The following EYA1 variants were observed in gnomAD, a reference collection of about 807,000 sequenced individuals.
EYA1 encodes the protein EYA transcriptional coactivator and phosphatase 1.
EYA1 carries 16 observed loss-of-function variants against 82.0 expected under a neutral mutation model. That is an observed-to-expected ratio of 0.20 (90% CI 0.13 to 0.30). The LOEUF (loss-of-function observed/expected upper bound fraction) is 0.30. Among genes scored for constraint, EYA1 ranks in the 10% least tolerant of loss-of-function variants. EYA1 has a pLI of 1.00. For missense variants in EYA1, 633 were observed against 730.7 expected, an observed-to-expected ratio of 0.87 and a Z score of 1.54; for synonymous variants, 261 against 264.4, an observed-to-expected ratio of 0.99 and a Z score of 0.12.
intron 2 of EYA1, among the ~76,000 whole-genome samples, chr8:71,490,017 C>T (rs1810880514): frequency 6.6e-6 from 1 of 152,168 alleles, no homozygotes; most frequent in Admixed American, 6.5e-5. Context: ...ATCTCCAGGA[C>T]TGGATCCCAG....
Position 71,354,004 on chromosome 8 carries a change from T to C in EYA1, c.124+778A>G, listed in dbSNP as rs531616370. On this transcript the variant is annotated intron_variant, in intron 3 of 17. Transcript: ENST00000340726. ...GCAATATGTAACATATCTTTCCATA[T>C]GTTGAAGTTCTAAAAATATGCATAG... is the stretch of plus-strand genomic sequence containing the variant. 2.1e-3 allele frequency among the ~76,000 whole-genome samples: 315 copies of C among 152,302 alleles called. 1 individual carries two copies. Among genetic ancestry groups the C allele is most frequent in the African/African-American group, 7.5e-3 (312 of 41,576 alleles).
chr8:71,354,299 C>A (rs1826620884), intron 3 of EYA1, among the ~76,000 whole-genome samples: 1 of 151,992 alleles, frequency 6.6e-6, no homozygotes, highest in Admixed American at 6.5e-5. Flanking sequence ...TAGCCAAAGC[C>A]TTAAGAACAC....
At chr8:71,328,923 C>T (rs922494200) in intron 4 of EYA1, among the ~76,000 whole-genome samples, 3 of 152,132 alleles carry the variant, frequency 2.0e-5, no homozygotes, top group African/African-American at 7.2e-5. Context: ...TTGATCAATT[C>T]ATTAATTTCC....
chr8:71,220,236 G>A (rs1046297662), intron 12 of EYA1, among the ~76,000 whole-genome samples: 4 of 152,130 alleles, frequency 2.6e-5, no homozygotes, highest in Non-Finnish European at 5.9e-5. Flanking sequence ...CAGACTAAAC[G>A]TGCTGAAACT....
intron 11 of EYA1, among the ~76,000 whole-genome samples, chr8:71,250,916 TG>T (rs1813673272): frequency 6.6e-6 from 1 of 152,240 alleles, no homozygotes; most frequent in African/African-American, 2.4e-5. Context: ...TTTCATTAGC[TG>T]TTAGTGTTGT....
At position 71,244,618 on chromosome 8, in the gene EYA1, A is replaced by T; in HGVS notation, c.1125T>A (p.Phe375Leu). ...MIFNLADTHL[F>L]FNDLEECDQV... is the part of the protein sequence containing the mutation. ...TAGAACTTACTTCTAAGTCATTAAA[A>T]AATAAATGTGTGTCTGCCAAGTTGA... Residue 375 changes from phenylalanine (F) to leucine (L), a missense_variant, in exon 12 of 18, where the codon TTT (phenylalanine) becomes TTA (leucine). Physicochemically the swap from Phe to Leu is conservative, Grantham distance 22 (BLOSUM62 0). Coordinates refer to ENST00000340726, the MANE Select transcript of EYA1 (RefSeq NM_000503.6). The T allele has an allele frequency of 6.3e-7, 1 of 1,598,450 alleles. No homozygotes were observed. The highest frequency in any genetic ancestry group is 8.6e-7 in the Non-Finnish European group (1 of 1,167,004).
intron 2 of EYA1, among the ~76,000 whole-genome samples, chr8:71,371,630 T>G (rs556249999): frequency 1.4e-4 from 22 of 152,166 alleles, no homozygotes; most frequent in African/African-American, 5.1e-4. Context: ...GGAAAGCTTC[T>G]CGAGAAATGT....
intron 2 of EYA1, among the ~76,000 whole-genome samples, chr8:71,528,829 T>C (rs1814021600): frequency 6.6e-6 from 1 of 152,220 alleles, no homozygotes; most frequent in African/African-American, 2.4e-5. Flanking sequence ...TTATGCCTAA[T>C]TTACAAATGA....
intron 12 of EYA1, chr8:71,225,077 A>G (rs755847283): frequency 4.1e-5 from 12 of 293,496 alleles, no homozygotes; most frequent in Non-Finnish European, 7.6e-5. Context: ...ATTTGCAGGA[A>G]CCATGTTTTT....
intron 9 of EYA1, among the ~76,000 whole-genome samples, chr8:71,284,302 C>T (rs1481171853): frequency 6.6e-6 from 1 of 152,206 alleles, no homozygotes; most frequent in East Asian, 1.9e-4. Context: ...AAATAACCCA[C>T]CTGCAGAGAA....
intron 12 of EYA1, among the ~76,000 whole-genome samples, chr8:71,238,234 T>A (rs1272090984): frequency 6.6e-6 from 1 of 152,180 alleles, no homozygotes; most frequent in Non-Finnish European, 1.5e-5. Context: ...TTTCTTTAAG[T>A]TGGGTCTGTG....
chr8:71,321,336 T>C (rs1359761304), intron 6 of EYA1, among the ~76,000 whole-genome samples: 1 of 152,230 alleles, frequency 6.6e-6, no homozygotes. Context: ...ATTCTACTTG[T>C]ACGTTCCTAA....
At chr8:71,478,788 C>T (rs1256918544) in intron 2 of EYA1, among the ~76,000 whole-genome samples, 3 of 152,116 alleles carry the variant, frequency 2.0e-5, no homozygotes, top group Non-Finnish European at 4.4e-5. Flanking sequence ...CAGAGTCCTA[C>T]ACAGAAGAAA....
intron 2 of EYA1, among the ~76,000 whole-genome samples, chr8:71,485,291 A>G (rs1810476528): frequency 6.6e-6 from 1 of 152,222 alleles, no homozygotes; most frequent in African/African-American, 2.4e-5. Context: ...GTAATTTTTC[A>G]TATATATAAC....
At chr8:71,228,914 T>C (rs1315692276) in intron 12 of EYA1, among the ~76,000 whole-genome samples, 1 of 152,144 alleles carries the variant, frequency 6.6e-6, no homozygotes. Flanking sequence ...TTCAGATACA[T>C]TTTTCTGAAA....
At chr8:71,440,705 A>T (rs1806368298) in intron 2 of EYA1, among the ~76,000 whole-genome samples, 2 of 152,300 alleles carry the variant, frequency 1.3e-5, no homozygotes, top group African/African-American at 2.4e-5. Flanking sequence ...TCCCATTGGA[A>T]ATATCTACCT....
chr8:71,205,166 ATGACGCCTTTC>A (rs1204466773), intron 17 of EYA1, among the ~76,000 whole-genome samples: 9 of 152,156 alleles, frequency 5.9e-5, no homozygotes, highest in African/African-American at 2.2e-4. Flanking sequence ...AACATATTTA[ATGACGCCTTTC>A]TCACTGTGCA....
chr8:71,383,672 A>C (rs1213263497), intron 2 of EYA1, among the ~76,000 whole-genome samples: 2 of 152,262 alleles, frequency 1.3e-5, no homozygotes, highest in Non-Finnish European at 2.9e-5. Flanking sequence ...ACAGATATAG[A>C]TATGTAGTGA....
chr8:71,380,063 G>A (rs1487861068), intron 2 of EYA1, among the ~76,000 whole-genome samples: 1 of 152,142 alleles, frequency 6.6e-6, no homozygotes, highest in African/African-American at 2.4e-5. Flanking sequence ...GACTCTTCTT[G>A]CACGATGTTG....
Sources: gnomAD v4.1 joint callset for allele counts (sites outside exome capture counted in the v4.1 genomes callset) on GRCh38, gnomAD v4.1.1 for gene constraint, MANE v1.5 for transcripts, NCBI Gene and HGNC (gene_info 2026-07-23, HGNC 2026-07-21) for gene names.